Variants in TSHZ2 observed in about 807,000 individuals in gnomAD.
The protein encoded by TSHZ2 is teashirt zinc finger homeobox 2, also known as teashirt homolog 2.
In TSHZ2, 21 loss-of-function variants were observed where a neutral mutation model predicts 74.4. That is an observed-to-expected ratio of 0.28 (90% confidence interval 0.20 to 0.41). TSHZ2 has a LOEUF of 0.41. Ranked by LOEUF, TSHZ2 falls within the 10% of genes least tolerant of loss-of-function variation. The pLI is 1.00. For missense variants in TSHZ2, 1,244 were observed against 1,293.5 expected (o/e 0.96, Z 0.59); for synonymous variants, 540 against 515.3 (o/e 1.05, Z -0.65).
At chr20:53,486,875 G>A (rs756705981) in intron 2 of TSHZ2, among the ~76,000 whole-genome samples, 6 of 152,024 alleles carry the variant, frequency 3.9e-5, no homozygotes, top group African/African-American at 1.2e-4. Flanking sequence ...AGACCCTAGC[G>A]TCTGTTGTTC....
intron 1 of TSHZ2, among the ~76,000 whole-genome samples, chr20:53,009,989 C>G (rs1982791992): frequency 6.6e-6 from 1 of 152,142 alleles, no homozygotes; most frequent in Non-Finnish European, 1.5e-5. Context: ...ATCATAATCA[C>G]TATCATTGTC....
chr20:53,009,151 G>A (rs1416130536), intron 1 of TSHZ2, among the ~76,000 whole-genome samples: 4 of 151,672 alleles, frequency 2.6e-5, no homozygotes, highest in Non-Finnish European at 4.4e-5. Flanking sequence ...AAAATAGTGA[G>A]ACCAATCGCT....
chr20:53,318,325 G>T (rs1979108331), intron 2 of TSHZ2, among the ~76,000 whole-genome samples: 2 of 152,104 alleles, frequency 1.3e-5, no homozygotes, highest in Admixed American at 1.3e-4. Context: ...TACAGCTAAG[G>T]CTCCCCATAA....
chr20:52,993,040 A>G (rs964082801), intron 1 of TSHZ2, among the ~76,000 whole-genome samples: 2 of 152,214 alleles, frequency 1.3e-5, no homozygotes, highest in Non-Finnish European at 2.9e-5. Flanking sequence ...TCTCCAAATA[A>G]TAAGTCTTCA....
intron 2 of TSHZ2, among the ~76,000 whole-genome samples, chr20:53,257,987 CAG>C (rs71687419): frequency 0.018 from 2,747 of 152,248 alleles, 83 homozygotes; most frequent in African/African-American, 0.063. Flanking sequence ...TCACATCAGA[CAG>C]AGGGGTTTAC....
At chr20:53,421,919 G>A (rs1983488280) in intron 2 of TSHZ2, among the ~76,000 whole-genome samples, 1 of 151,858 alleles carries the variant, frequency 6.6e-6, no homozygotes, top group South Asian at 2.1e-4. Context: ...CTGACCTTGT[G>A]ATCCACCCGC....
At chr20:53,482,733 GTC>G (rs1430657285) in intron 2 of TSHZ2, among the ~76,000 whole-genome samples, 1 of 151,908 alleles carries the variant, frequency 6.6e-6, no homozygotes, top group East Asian at 1.9e-4. Flanking sequence ...GCGAAACCCT[GTC>G]TCTACAAAAA....
At chr20:53,162,636 T>G (rs902555041) in intron 1 of TSHZ2, among the ~76,000 whole-genome samples, 1 of 152,176 alleles carries the variant, frequency 6.6e-6, no homozygotes, top group African/African-American at 2.4e-5. Flanking sequence ...TTCCTTGTCC[T>G]TGTAGATGTT....
At chr20:53,362,489 A>C (rs1027620443) in intron 2 of TSHZ2, among the ~76,000 whole-genome samples, 1 of 152,162 alleles carries the variant, frequency 6.6e-6, no homozygotes, top group Non-Finnish European at 1.5e-5. Flanking sequence ...CGGCCCACAC[A>C]GTTTTTATAT....
At chr20:53,462,726 A>C (rs1985419166) in intron 2 of TSHZ2, among the ~76,000 whole-genome samples, 1 of 152,240 alleles carries the variant, frequency 6.6e-6, no homozygotes, top group Non-Finnish European at 1.5e-5. Flanking sequence ...ACTTTGAGAA[A>C]GAAAGCCTGG....
At position 53,306,633 on chromosome 20, in the gene TSHZ2, C is replaced by T. The variant is rs188699011; in HGVS notation, c.*8+50062C>T. 3.7e-3 allele frequency among the ~76,000 whole-genome samples: 569 copies of T among 152,298 alleles called. 3 individuals are homozygous for T. Among genetic ancestry groups the T allele is most frequent in the African/African-American group, 0.013 (546 of 41,570 alleles). ...TTAAATGATTTGCCGACATGGGGAA[C>T]TTGCCATTGGCAGCAAAGATTTATT... On this transcript the variant is annotated intron_variant, in intron 2 of 2. Coordinates refer to ENST00000371497, the MANE Select transcript of TSHZ2 (RefSeq NM_173485.6).
At chr20:53,173,561 T>TG (rs1252855804) in intron 1 of TSHZ2, among the ~76,000 whole-genome samples, 3 of 152,202 alleles carry the variant, frequency 2.0e-5, no homozygotes, top group Non-Finnish European at 2.9e-5. Context: ...TGAGCCGACG[T>TG]AGCGCCACTG....
chr20:53,185,983 G>A (rs1053597623), intron 1 of TSHZ2, among the ~76,000 whole-genome samples: 1 of 152,226 alleles, frequency 6.6e-6, no homozygotes, highest in East Asian at 1.9e-4. Context: ...GCACTTGGGT[G>A]GATTTCTTAC....
chr20:53,397,801 A>G (rs1982510397), intron 2 of TSHZ2: 1 of 152,266 alleles, frequency 6.6e-6, no homozygotes, highest in African/African-American at 2.4e-5. Context: ...TAGCCATAAA[A>G]AAGGATGAGT....
At chr20:53,263,514 G>T (rs921774198) in intron 2 of TSHZ2, among the ~76,000 whole-genome samples, 5 of 152,156 alleles carry the variant, frequency 3.3e-5, no homozygotes, top group Admixed American at 6.5e-5. Flanking sequence ...AGCAAATCCA[G>T]ATCTTTGTGT....
chr20:53,339,451 C>T (rs916121617), intron 2 of TSHZ2, among the ~76,000 whole-genome samples: 2 of 152,122 alleles, frequency 1.3e-5, no homozygotes, highest in African/African-American at 2.4e-5. Context: ...CTCATCATGG[C>T]GTATTCTGCC....
chr20:53,174,210 G>T (rs981406554), intron 1 of TSHZ2, among the ~76,000 whole-genome samples: 1 of 152,188 alleles, frequency 6.6e-6, no homozygotes, highest in Admixed American at 6.5e-5. Flanking sequence ...AGGGTTGTGC[G>T]CCCAGCCAGA....
At chr20:53,124,907 C>A (rs554869062) in intron 1 of TSHZ2, among the ~76,000 whole-genome samples, 1 of 152,296 alleles carries the variant, frequency 6.6e-6, no homozygotes, top group African/African-American at 2.4e-5. Context: ...ATATTTTAGG[C>A]TTTGCAGACC....
chr20:53,269,839 G>C (rs1331073552), intron 2 of TSHZ2, among the ~76,000 whole-genome samples: 1 of 151,722 alleles, frequency 6.6e-6, no homozygotes, highest in Non-Finnish European at 1.5e-5. Flanking sequence ...GATATTGACA[G>C]AGAACTAACA....
Sources: allele counts gnomAD v4.1 joint callset (sites outside exome capture counted in the v4.1 genomes callset), GRCh38; gene constraint gnomAD v4.1.1; transcripts MANE v1.5; gene names NCBI Gene and HGNC (gene_info 2026-07-23, HGNC 2026-07-21).